Variants in UBE2W observed in about 807,000 individuals in gnomAD.
UBE2W encodes the protein ubiquitin-conjugating enzyme E2 W.
A neutral mutation model predicts 27.2 loss-of-function variants in UBE2W; 18 were observed. The ratio of observed to expected loss-of-function variants is 0.66; its 90% CI spans 0.46 to 0.98. The LOEUF (loss-of-function observed/expected upper bound fraction) is 0.98. Among genes scored for constraint, UBE2W ranks in the 50% least tolerant of loss-of-function variants. The probability of loss-of-function intolerance (pLI) is 0.00; values close to 1 mark genes in which losing one functional copy is unlikely to be tolerated. For synonymous variants in UBE2W, 53 were observed against 57.2 expected (o/e 0.93, Z 0.33); for missense variants, 90 against 180.2 (o/e 0.50, Z 2.87).
intron 3 of UBE2W, among the ~76,000 whole-genome samples, chr8:73,820,729 G>A (rs1392604986): frequency 5.9e-5 from 9 of 151,440 alleles, no homozygotes; most frequent in East Asian, 3.9e-4. Context: ...GCAACAGAGC[G>A]AGACTCTGTC....
chr8:73,807,532 G>C (rs932483055), intron 4 of UBE2W, among the ~76,000 whole-genome samples: 2 of 152,142 alleles, frequency 1.3e-5, no homozygotes, highest in Non-Finnish European at 2.9e-5. Context: ...GCATAAGACA[G>C]TCAAGACATT....
chr8:73,808,049 G>C (rs895856714), intron 4 of UBE2W, among the ~76,000 whole-genome samples: 1 of 152,070 alleles, frequency 6.6e-6, no homozygotes, highest in Non-Finnish European at 1.5e-5. Context: ...TCAGTTTATG[G>C]AACCACTCCT....
At chr8:73,818,467 T>C (rs1413413658) in intron 3 of UBE2W, among the ~76,000 whole-genome samples, 1 of 152,202 alleles carries the variant, frequency 6.6e-6, no homozygotes, top group Non-Finnish European at 1.5e-5. Flanking sequence ...ATATCGTTCC[T>C]CTGCTCAAAA....
chr8:73,805,928 G>A (rs906813484), intron 4 of UBE2W, among the ~76,000 whole-genome samples: 22 of 152,268 alleles, frequency 1.4e-4, no homozygotes, highest in African/African-American at 3.8e-4. Flanking sequence ...AATAATAAGC[G>A]TGTTTGAGTG....
At chr8:73,833,058 GC>G (rs749662825) in intron 1 of UBE2W, among the ~76,000 whole-genome samples, 32 of 152,034 alleles carry the variant, frequency 2.1e-4, no homozygotes, top group Non-Finnish European at 4.1e-4. Context: ...GGTGGCGCGT[GC>G]CTGTAGTCCC....
intron 1 of UBE2W, among the ~76,000 whole-genome samples, chr8:73,855,997 AG>A (rs1811282835): frequency 6.6e-6 from 1 of 152,154 alleles, no homozygotes; most frequent in South Asian, 2.1e-4. Context: ...TTTTATACAT[AG>A]TTTATATTCT....
chr8:73,784,072 C>G (rs1169705916), downstream of UBE2W, among the ~76,000 whole-genome samples: 5 of 152,224 alleles, frequency 3.3e-5, no homozygotes, highest in East Asian at 9.7e-4. Context: ...TTTTACCACT[C>G]TAATTCAATG....
chr8:73,827,175 C>G (rs532257100), intron 2 of UBE2W, among the ~76,000 whole-genome samples: 17 of 152,190 alleles, frequency 1.1e-4, no homozygotes, highest in African/African-American at 3.9e-4. Context: ...GATACTGACA[C>G]GAGGTCAAAG....
downstream of UBE2W, among the ~76,000 whole-genome samples, chr8:73,781,551 T>C (rs967019345): frequency 3.6e-4 from 54 of 151,880 alleles, no homozygotes; most frequent in Non-Finnish European, 7.7e-4. Flanking sequence ...CAAAACATAG[T>C]GGTTATCTCA....
rs1242088160 is a variant in UBE2W, at chr8:73,787,639, T to C, written c.*6463A>G. On this transcript the variant is annotated 3_prime_UTR_variant, in exon 6 of 6. Coordinates refer to ENST00000602593, the MANE Select transcript of UBE2W (RefSeq NM_018299.6). ...CCAGCAGAGCATATTTAATTCCTCCTGTCAGGAATAACAGATGCTGAGATA... is the reference window on the plus strand; with the variant it reads ...CCAGCAGAGCATATTTAATTCCTCCCGTCAGGAATAACAGATGCTGAGATA... 1.0e-6 allele frequency: 1 copy of C among 985,434 alleles called. No homozygotes were observed. Among genetic ancestry groups the C allele is most frequent in the Non-Finnish European group, 1.2e-6 (1 of 829,932 alleles). 61.0% of individuals were successfully genotyped at this position (985,434 alleles called of 1,614,324 possible).
chr8:73,856,947 T>C (rs1811327063), intron 1 of UBE2W, among the ~76,000 whole-genome samples: 1 of 152,168 alleles, frequency 6.6e-6, no homozygotes, highest in African/African-American at 2.4e-5. Context: ...TCTCAAGTGA[T>C]CCGCCCACCT....
chr8:73,816,612 C>T (rs76393967), intron 3 of UBE2W, among the ~76,000 whole-genome samples: 8,064 of 152,228 alleles, frequency 0.053, 689 homozygotes, highest in African/African-American at 0.18. Context: ...GGCAATTGTA[C>T]TTTCAGCACC....
intron 1 of UBE2W, among the ~76,000 whole-genome samples, chr8:73,872,814 A>G (rs1233343721): frequency 6.6e-6 from 1 of 152,228 alleles, no homozygotes; most frequent in African/African-American, 2.4e-5. Flanking sequence ...CATATTTTAA[A>G]AAGAAGTTCT....
intron 4 of UBE2W, among the ~76,000 whole-genome samples, chr8:73,807,147 C>CTTTAA (rs1480449289): frequency 6.6e-6 from 1 of 152,180 alleles, no homozygotes; most frequent in African/African-American, 2.4e-5. Flanking sequence ...TATCCTTATC[C>CTTTAA]TTTAGTCTCC....
intron 3 of UBE2W, among the ~76,000 whole-genome samples, chr8:73,821,203 C>T (rs776388487): frequency 4.6e-5 from 7 of 152,044 alleles, no homozygotes; most frequent in African/African-American, 1.2e-4. Flanking sequence ...GGTATTAAAA[C>T]GTGAACAAGG....
At position 73,792,776 on chromosome 8, in the gene UBE2W, T is replaced by A. The variant is rs540226612; in HGVS notation, c.*1326A>T. 2.0e-6 allele frequency: 2 copies of A among 985,658 alleles called. No individual in the cohort carries two copies. The highest frequency in any genetic ancestry group is 9.4e-5 in the South Asian group (2 of 21,292). The allele number at this position is 985,658 out of a possible 1,614,324, so 61.1% of individuals were successfully genotyped here. The stretch of plus-strand genomic sequence containing the variant: ...CATTAACTCACATGGTACTGAGAAC[T>A]GGACCTTTCAACAATTTTTTTTTTC... On this transcript the variant is annotated 3_prime_UTR_variant, in exon 6 of 6. Transcript: ENST00000602593.
chr8:73,825,315 G>A (rs1586483226), intron 2 of UBE2W, 66 bp from the exon 3 acceptor site: 1 of 1,155,990 alleles, frequency 8.7e-7, no homozygotes, highest in Non-Finnish European at 1.2e-6. Flanking sequence ...GAGAAAAGAG[G>A]ACACCAAGTA....
At position 73,786,490 on chromosome 8, in the gene UBE2W, T is replaced by C; in HGVS notation, c.*7612A>G. The C allele has an allele frequency of 1.0e-6, 1 of 985,470 alleles. No homozygotes were observed. The highest frequency in any genetic ancestry group is 1.2e-6 in the Non-Finnish European group (1 of 829,932). 61.0% of individuals were successfully genotyped at this position (985,470 alleles called of 1,614,324 possible). The stretch of plus-strand genomic sequence containing the variant: ...GGGGACACAAACACAATTGCAACAC[T>C]GTCCCTACTGTTAAAAAGTTCAGGA... On this transcript the variant is annotated 3_prime_UTR_variant, in exon 6 of 6. Coordinates refer to ENST00000602593, the MANE Select transcript of UBE2W (RefSeq NM_018299.6).
intron 1 of UBE2W, among the ~76,000 whole-genome samples, chr8:73,868,764 G>A (rs746936694): frequency 8.6e-5 from 13 of 151,602 alleles, no homozygotes; most frequent in African/African-American, 1.7e-4. Context: ...TGTTGTGGGC[G>A]AGTACATAAG....
Sources: allele counts gnomAD v4.1 joint callset (sites outside exome capture counted in the v4.1 genomes callset), GRCh38; gene constraint gnomAD v4.1.1; transcripts MANE v1.5; gene names NCBI Gene and HGNC (gene_info 2026-07-23, HGNC 2026-07-21).